SMARCC1: variants seen among roughly 807,000 people sequenced by gnomAD.
The protein encoded by SMARCC1 is SWI/SNF complex subunit SMARCC1.
Under a neutral mutation model 147.4 loss-of-function variants are expected in SMARCC1, and 43 were observed. The observed-to-expected ratio is 0.29, with a 90% confidence interval of 0.23 to 0.38. The LOEUF (loss-of-function observed/expected upper bound fraction) is 0.38. Ranked by LOEUF, SMARCC1 falls within the 10% of genes least tolerant of loss-of-function variation. The pLI, the probability that SMARCC1 is intolerant of heterozygous loss-of-function variation, is 1.00. For synonymous variants in SMARCC1, 495 were observed against 484.4 expected (o/e 1.02, Z -0.29); for missense variants, 1,119 against 1,381.1 (o/e 0.81, Z 3.01).
At chr3:47,708,548 A>G (rs911092498) in intron 9 of SMARCC1, among the ~76,000 whole-genome samples, 2 of 152,212 alleles carry the variant, frequency 1.3e-5, no homozygotes, top group Non-Finnish European at 2.9e-5. Context: ...CAGTTAAATA[A>G]TGTAATATAG....
intron 6 of SMARCC1, among the ~76,000 whole-genome samples, chr3:47,727,515 A>C (rs1254780341): frequency 6.6e-6 from 1 of 152,174 alleles, no homozygotes; most frequent in Non-Finnish European, 1.5e-5. Flanking sequence ...CTCAAAAAAA[A>C]AATTGTACTG....
Position 47,714,500 on chromosome 3 carries a change from A to C in SMARCC1, c.717-10T>G, listed in dbSNP as rs777844724. ...GACCCAAGTATCATAGCTATAAAGG[A>C]ATCAAAATGAGAAAAACAAATTAGA... On this transcript the variant is annotated splice_polypyrimidine_tract_variant and intron_variant, in intron 7 of 27. Coordinates refer to ENST00000254480, the MANE Select transcript of SMARCC1 (RefSeq NM_003074.4). 1 of 1,416,282 alleles carries C rather than the reference A, an allele frequency of 7.1e-7. No homozygotes were observed. Among genetic ancestry groups the C allele is most frequent in the South Asian group, 1.3e-5 (1 of 79,696 alleles). The allele number at this position is 1,416,282 out of a possible 1,614,324, so 87.7% of individuals were successfully genotyped here. A position where few individuals can be genotyped will look rare whatever the true frequency, so the allele number is the denominator to read the frequency against.
At chr3:47,613,585 C>T (rs2032594420) in intron 25 of SMARCC1, among the ~76,000 whole-genome samples, 1 of 152,060 alleles carries the variant, frequency 6.6e-6, no homozygotes, top group South Asian at 2.1e-4. Context: ...GTCTTGAACT[C>T]CTGACCTCAG....
chr3:47,708,502 C>T (rs1175524160), intron 9 of SMARCC1, among the ~76,000 whole-genome samples: 1 of 151,986 alleles, frequency 6.6e-6, no homozygotes, highest in Non-Finnish European at 1.5e-5. Flanking sequence ...AATAAACAAA[C>T]AAACTAAATC....
intron 19 of SMARCC1, among the ~76,000 whole-genome samples, chr3:47,666,838 G>T (rs1018379632): frequency 2.6e-5 from 4 of 152,232 alleles, no homozygotes; most frequent in African/African-American, 9.6e-5. Flanking sequence ...CTTAAGAAAA[G>T]TTTTTTAATA....
chr3:47,645,079 G>A (rs1028779885), intron 21 of SMARCC1, among the ~76,000 whole-genome samples: 3 of 152,080 alleles, frequency 2.0e-5, no homozygotes, highest in African/African-American at 7.2e-5. Context: ...GAGACTAGGA[G>A]TTTGAGAACA....
intron 26 of SMARCC1, among the ~76,000 whole-genome samples, chr3:47,592,417 C>T (rs1297695828): frequency 2.0e-5 from 3 of 152,148 alleles, no homozygotes; most frequent in African/African-American, 7.2e-5. Context: ...AGACATAAAA[C>T]ATTATTCTTC....
intron 25 of SMARCC1, among the ~76,000 whole-genome samples, chr3:47,615,492 T>G (rs2106676725): frequency 6.6e-6 from 1 of 152,302 alleles, no homozygotes; most frequent in African/African-American, 2.4e-5. Context: ...AATCTTACCT[T>G]GATAATCTGA....
At chr3:47,716,108 G>A (rs576870814) in intron 7 of SMARCC1, among the ~76,000 whole-genome samples, 2 of 151,094 alleles carry the variant, frequency 1.3e-5, no homozygotes, top group East Asian at 3.9e-4. Context: ...ACCATTCAGA[G>A]GTCAGTTCAA....
At chr3:47,671,185 A>AC (rs1472517403) in intron 18 of SMARCC1, among the ~76,000 whole-genome samples, 8 of 142,902 alleles carry the variant, frequency 5.6e-5, no homozygotes, top group African/African-American at 1.6e-4. Context: ...AAAAAAAAAA[A>AC]AAAAAAAAAA....
rs1350612795 is a variant in SMARCC1, at chr3:47,710,708, T to C, written c.893A>G (p.Gln298Arg). 1.2e-6 allele frequency: 2 copies of C among 1,613,760 alleles called. No homozygotes were observed. The highest frequency in any genetic ancestry group is 1.1e-5 in the South Asian group (1 of 90,976). The change falls in exon 9 of 28, where the codon CAG (glutamine) becomes CGG (arginine). Residue 298 changes from glutamine to arginine, a missense_variant. Gln to Arg is a conservative substitution (Grantham distance 43, BLOSUM62 1). Around this residue, in one of 6 missense-constraint regions of SMARCC1, gnomAD observed 542 missense variants for 611.8 expected, o/e 0.89. Coordinates refer to ENST00000254480, the MANE Select transcript of SMARCC1 (RefSeq NM_003074.4). ...DENRKPVSFR[Q>R]RISTKNEEPV... is the part of the protein sequence containing the mutation. ...CTCTTCATTCTTGGTTGAAATCCGC[T>C]GACGAAAACTCACAGGCTTCCTATT...
chr3:47,618,734 G>A (rs1033030982), intron 25 of SMARCC1, among the ~76,000 whole-genome samples: 2 of 152,078 alleles, frequency 1.3e-5, no homozygotes, highest in Admixed American at 1.3e-4. Flanking sequence ...TATTCTTAGG[G>A]GACAGACAAC....
intron 26 of SMARCC1, among the ~76,000 whole-genome samples, chr3:47,595,742 C>T (rs7632968): frequency 0.96 from 140,961 of 147,418 alleles, 67,694 homozygotes; most frequent in East Asian, 1. Context: ...TTTTCTTTTT[C>T]TTTTTTTTTG....
chr3:47,672,182 C>T (rs918429011), intron 18 of SMARCC1, among the ~76,000 whole-genome samples: 2 of 151,900 alleles, frequency 1.3e-5, no homozygotes, highest in African/African-American at 4.8e-5. Flanking sequence ...GTATCTATAA[C>T]GCAGAATATA....
intron 26 of SMARCC1, among the ~76,000 whole-genome samples, chr3:47,608,983 G>A (rs930450807): frequency 6.6e-6 from 1 of 151,816 alleles, no homozygotes; most frequent in East Asian, 1.9e-4. Context: ...TGTACAATCA[G>A]GCACAGCCAC....
intron 8 of SMARCC1, among the ~76,000 whole-genome samples, chr3:47,712,738 C>T (rs1453006032): frequency 1.3e-5 from 2 of 152,156 alleles, no homozygotes; most frequent in Admixed American, 6.5e-5. Flanking sequence ...AAGTCCTATG[C>T]TTTGTTATCT....
chr3:47,769,963 C>T (rs1259857075), intron 2 of SMARCC1, among the ~76,000 whole-genome samples: 3 of 152,192 alleles, frequency 2.0e-5, no homozygotes, highest in East Asian at 3.9e-4. Context: ...CGGTGGCTCA[C>T]GCCTATAATC....
chr3:47,725,275 A>G (rs1267889815), intron 6 of SMARCC1, among the ~76,000 whole-genome samples: 3 of 152,010 alleles, frequency 2.0e-5, no homozygotes, highest in African/African-American at 7.2e-5. Flanking sequence ...AAATATATCT[A>G]TACAGCAAGA....
chr3:47,694,500 T>C (rs2033825428), intron 11 of SMARCC1, among the ~76,000 whole-genome samples: 1 of 152,108 alleles, frequency 6.6e-6, no homozygotes, highest in African/African-American at 2.4e-5. Context: ...CTCGGGAGGC[T>C]AAGGCAAGAG....
Sources: allele counts gnomAD v4.1 joint callset (sites outside exome capture counted in the v4.1 genomes callset), GRCh38; gene constraint gnomAD v4.1.1; regional missense constraint gnomAD v4.1.1; transcripts MANE v1.5; gene names NCBI Gene and HGNC (gene_info 2026-07-23, HGNC 2026-07-21).